SLC25A21: variants seen among roughly 807,000 people sequenced by gnomAD.
SLC25A21 encodes the protein solute carrier family 25 member 21.
Under a neutral mutation model 43.8 loss-of-function variants are expected in SLC25A21, and 47 were observed. The observed-to-expected ratio is 1.07, with a 90% confidence interval of 0.85 to 1.37. The LOEUF (loss-of-function observed/expected upper bound fraction) is 1.37, where lower values mean the gene tolerates loss of function less well. Ranked by LOEUF, SLC25A21 falls within the 40% of genes most tolerant of loss-of-function variation. The probability of loss-of-function intolerance (pLI) is 0.00; values close to 1 mark genes in which losing one functional copy is unlikely to be tolerated. For missense variants in SLC25A21, 352 were observed against 350.2 expected, an observed-to-expected ratio of 1.00 and a Z score of -0.04; for synonymous variants, 131 against 121.3, an observed-to-expected ratio of 1.08 and a Z score of -0.52.
chr14:37,061,995 G>GGGAAAATGGTCCAAACAT (rs1271977767), intron 1 of SLC25A21, among the ~76,000 whole-genome samples: 1 of 149,714 alleles, frequency 6.7e-6, no homozygotes, highest in African/African-American at 2.4e-5. Context: ...AGCTTTCCAT[G>GGGAAAATGGTCCAAACAT]GGAAAATGGT....
At position 36,692,396 on chromosome 14, in the gene SLC25A21, T is replaced by C. The variant is rs376199099; in HGVS notation, c.604-7471A>G. On this transcript the variant is annotated intron_variant, in intron 7 of 9. Transcript: ENST00000331299. ...TACACATTTGTAGCTAATTTAACCA[T>C]ATAGTCCAAACTATACAGCCAAGAG... Among the ~76,000 whole-genome samples, 51 of 152,350 alleles carry C rather than the reference T, an allele frequency of 3.3e-4. 1 individual carries two copies. In the South Asian group the frequency reaches 9.9e-3, roughly 30 times the overall value.
intron 3 of SLC25A21, among the ~76,000 whole-genome samples, chr14:36,805,941 G>A (rs1042927361): frequency 6.6e-6 from 1 of 152,138 alleles, no homozygotes; most frequent in Non-Finnish European, 1.5e-5. Context: ...AGGGCTGGGT[G>A]CAGTAGCTCA....
At chr14:36,817,045 C>T (rs935281718) in intron 2 of SLC25A21, among the ~76,000 whole-genome samples, 1 of 152,020 alleles carries the variant, frequency 6.6e-6, no homozygotes. Flanking sequence ...TTCATAATAT[C>T]CGTAATAAGC....
chr14:36,865,384 G>A (rs1890186588), intron 2 of SLC25A21, among the ~76,000 whole-genome samples: 1 of 151,880 alleles, frequency 6.6e-6, no homozygotes, highest in Admixed American at 6.6e-5. Context: ...CCATCCTCTG[G>A]TGCTGATTTC....
At chr14:36,720,676 T>C (rs1240397586) in intron 6 of SLC25A21, among the ~76,000 whole-genome samples, 4 of 152,252 alleles carry the variant, frequency 2.6e-5, no homozygotes, top group African/African-American at 9.6e-5. Flanking sequence ...CGAGAATTCA[T>C]GTTAACTTTA....
chr14:37,056,991 T>A (rs1387820335), intron 1 of SLC25A21, among the ~76,000 whole-genome samples: 1 of 152,228 alleles, frequency 6.6e-6, no homozygotes, highest in Admixed American at 6.5e-5. Flanking sequence ...TTAAACCTCA[T>A]CACACGAAAA....
chr14:36,748,439 C>T (rs1237770254), intron 3 of SLC25A21, among the ~76,000 whole-genome samples: 2 of 152,210 alleles, frequency 1.3e-5, no homozygotes, highest in Non-Finnish European at 2.9e-5. Flanking sequence ...AATAAACAGT[C>T]ACTGAGCTTT....
At chr14:37,007,435 T>C (rs1960629373) in intron 1 of SLC25A21, among the ~76,000 whole-genome samples, 1 of 152,012 alleles carries the variant, frequency 6.6e-6, no homozygotes, top group African/African-American at 2.4e-5. Context: ...AAACCCTGTA[T>C]CTACTAAAAA....
chr14:37,013,329 A>G (rs917797004), intron 1 of SLC25A21, among the ~76,000 whole-genome samples: 14 of 152,138 alleles, frequency 9.2e-5, no homozygotes, highest in Admixed American at 9.2e-4. Context: ...TCCTTTATTA[A>G]TAGAACAGGA....
At chr14:36,988,080 T>C (rs574442177) in intron 1 of SLC25A21, among the ~76,000 whole-genome samples, 14 of 152,190 alleles carry the variant, frequency 9.2e-5, no homozygotes, top group Non-Finnish European at 1.8e-4. Flanking sequence ...TTTCTTCCCT[T>C]CCCTGTGGCA....
At chr14:36,963,659 C>T (rs1265426427) in intron 1 of SLC25A21, among the ~76,000 whole-genome samples, 4 of 152,070 alleles carry the variant, frequency 2.6e-5, no homozygotes, top group African/African-American at 7.2e-5. Context: ...CATGAGCTGC[C>T]GAAGATTCAT....
At chr14:37,010,625 G>C (rs1049813141) in intron 1 of SLC25A21, among the ~76,000 whole-genome samples, 1 of 152,320 alleles carries the variant, frequency 6.6e-6, no homozygotes, top group Non-Finnish European at 1.5e-5. Flanking sequence ...CCAATTATGA[G>C]AGTGAGCAAG....
chr14:36,721,267 T>C (rs1884364160), intron 6 of SLC25A21, among the ~76,000 whole-genome samples: 1 of 152,242 alleles, frequency 6.6e-6, no homozygotes, highest in Non-Finnish European at 1.5e-5. Context: ...GACAGCTTTA[T>C]ATAGTCTCAC....
chr14:36,846,255 G>A (rs891732357), intron 2 of SLC25A21, among the ~76,000 whole-genome samples: 5 of 152,068 alleles, frequency 3.3e-5, no homozygotes, highest in Non-Finnish European at 5.9e-5. Flanking sequence ...AACTCTATAC[G>A]AAGCATGAGA....
chr14:36,957,419 T>C (rs1221730177), intron 1 of SLC25A21, among the ~76,000 whole-genome samples: 2 of 152,170 alleles, frequency 1.3e-5, no homozygotes, highest in East Asian at 3.9e-4. Flanking sequence ...TAATGTGCTG[T>C]GTGACTTTGG....
intron 9 of SLC25A21, among the ~76,000 whole-genome samples, chr14:36,681,337 G>A (rs527924198): frequency 6.6e-6 from 1 of 152,290 alleles, no homozygotes; most frequent in African/African-American, 2.4e-5. Flanking sequence ...ATTTGGTAGT[G>A]GGGGTTGGAT....
chr14:37,001,771 T>C (rs1398986893), intron 1 of SLC25A21, among the ~76,000 whole-genome samples: 2 of 152,158 alleles, frequency 1.3e-5, no homozygotes, highest in African/African-American at 2.4e-5. Context: ...AATTTCAAGA[T>C]ATCTATTTGT....
chr14:36,712,560 G>A (rs1883930891), intron 6 of SLC25A21, among the ~76,000 whole-genome samples: 2 of 152,268 alleles, frequency 1.3e-5, no homozygotes, highest in South Asian at 4.2e-4. Flanking sequence ...TAATAGCTAT[G>A]TAATTAATGT....
chr14:36,895,548 G>C (rs948310444), intron 1 of SLC25A21, among the ~76,000 whole-genome samples: 2 of 151,998 alleles, frequency 1.3e-5, no homozygotes, highest in African/African-American at 4.8e-5. Context: ...CTTCAATTCT[G>C]CTCTGACCTT....
Sources: gnomAD v4.1 joint callset for allele counts (sites outside exome capture counted in the v4.1 genomes callset) on GRCh38, gnomAD v4.1.1 for gene constraint, MANE v1.5 for transcripts, NCBI Gene and HGNC (gene_info 2026-07-23, HGNC 2026-07-21) for gene names.